The following LTBP2 variants were observed in gnomAD, a reference collection of about 807,000 sequenced individuals.
LTBP2 encodes the protein latent transforming growth factor beta binding protein 2, also known as latent-transforming growth factor beta-binding protein 2.
LTBP2 carries 103 observed loss-of-function variants against 210.6 expected under a neutral mutation model. That is an observed-to-expected ratio of 0.49 (90% CI 0.42 to 0.58). The LOEUF (loss-of-function observed/expected upper bound fraction) is 0.58, where lower values mean the gene tolerates loss of function less well. LTBP2 is among the 20% of genes least tolerant of loss of function. The probability of loss-of-function intolerance (pLI) is 0.00; values close to 1 mark genes in which losing one functional copy is unlikely to be tolerated. For synonymous variants in LTBP2, 1,007 were observed against 1,015.0 expected (o/e 0.99, Z 0.15); for missense variants, 2,313 against 2,494.5 (o/e 0.93, Z 1.55).
At chr14:74,599,646 C>T (rs1365728267) in intron 2 of LTBP2, among the ~76,000 whole-genome samples, 4 of 152,238 alleles carry the variant, frequency 2.6e-5, no homozygotes, top group Non-Finnish European at 4.4e-5. Flanking sequence ...GAGGAGATGG[C>T]GGCCCAGCTC....
chr14:74,527,900 T>C (rs1036173420), intron 12 of LTBP2, among the ~76,000 whole-genome samples: 3 of 152,226 alleles, frequency 2.0e-5, no homozygotes, highest in African/African-American at 7.2e-5. Flanking sequence ...CTGGAGCAGT[T>C]TGACCAATCA....
At chr14:74,569,575 A>G (rs970226167) in intron 3 of LTBP2, among the ~76,000 whole-genome samples, 5 of 152,200 alleles carry the variant, frequency 3.3e-5, no homozygotes, top group Non-Finnish European at 7.3e-5. Flanking sequence ...CCCAGGTCCA[A>G]TGACAGAAGC....
At chr14:74,585,818 C>T (rs376823767) in intron 3 of LTBP2, 36 bp downstream of exon 3, 37 of 1,613,778 alleles carry the variant, frequency 2.3e-5, no homozygotes, top group Non-Finnish European at 3.1e-5. Context: ...AGAGACTGAG[C>T]CCCAGACCCC....
chr14:74,605,922 A>G (rs951901089), intron 1 of LTBP2, among the ~76,000 whole-genome samples: 2 of 152,134 alleles, frequency 1.3e-5, no homozygotes, highest in African/African-American at 4.8e-5. Context: ...CAGGTCCCCA[A>G]GGAGAGTCTC....
intron 2 of LTBP2, among the ~76,000 whole-genome samples, chr14:74,596,225 A>AT (rs1246458245): frequency 2.9e-5 from 4 of 136,286 alleles, no homozygotes; most frequent in Non-Finnish European, 4.6e-5. Context: ...ATGCTGTTTC[A>AT]AAAATAAATA....
At chr14:74,588,932 G>A (rs2088245922) in intron 2 of LTBP2, among the ~76,000 whole-genome samples, 1 of 152,156 alleles carries the variant, frequency 6.6e-6, no homozygotes, top group Admixed American at 6.5e-5. Flanking sequence ...AGAAGGGTGG[G>A]CATGGTTCTT....
intron 3 of LTBP2, among the ~76,000 whole-genome samples, chr14:74,564,163 TTATATATATATTTA>T (rs2087848865): frequency 9.2e-5 from 1 of 10,814 alleles, no homozygotes; most frequent in Non-Finnish European, 1.4e-4. Context: ...ATATATATAT[TTATATATATATTTA>T]TATATATATT....
rs2086931597 is a variant in LTBP2 at position 74,503,020 on chromosome 14, G to C, written c.4889-86C>G. On this transcript the variant is annotated intron_variant, in intron 33 of 35. Coordinates refer to ENST00000261978, the MANE Select transcript of LTBP2 (RefSeq NM_000428.3). ...GGCTTTGTCTCTGGGAGCATGCAAG[G>C]ACTGGTACCCTCTGGGAGATCCTGG... 3.2e-6 allele frequency: 5 copies of C among 1,558,166 alleles called. No individual in the cohort carries two copies. In the Admixed American group the frequency reaches 5.1e-5, roughly 16 times the overall value.
Position 74,503,223 on chromosome 14 carries a change from G to A in LTBP2, c.4884C>T (p.Ser1628=). The change falls in exon 33 of 36, where the codon AGC becomes AGT. Residue 1628 remains serine, a synonymous_variant. Transcript: ENST00000261978. ...ATCCCCTTTGCTCCCCCTCACCAGA[G>A]CTCCTCGGGGGACACAGAGCACACT... ...SQQCALCPPR[S]SEVYAQLCNV... 7 of 1,613,906 alleles carry A rather than the reference G, an allele frequency of 4.3e-6. No homozygotes were observed. The highest frequency in any genetic ancestry group is 5.1e-6 in the Non-Finnish European group (6 of 1,180,010).
rs765446325 is a variant in LTBP2 at position 74,528,636 on chromosome 14, G to A, written c.2215C>T (p.Leu739=). ...GYTYASSDIR[L]SMRKAEEEEL... ...TCCTCCTCGGCTTTCCTCATGGACA[G>A]GCGGATGTCGGAGCTCGCGTAGGTG... The change falls in exon 12 of 36, where the codon CTG becomes TTG. Residue 739 remains leucine (L), a synonymous_variant. Coordinates refer to ENST00000261978, the MANE Select transcript of LTBP2 (RefSeq NM_000428.3). The A allele has an allele frequency of 6.2e-7, 1 of 1,613,542 alleles. No homozygotes were observed.
chr14:74,513,659 C>T (rs1052171221), intron 18 of LTBP2, among the ~76,000 whole-genome samples: 4 of 152,120 alleles, frequency 2.6e-5, no homozygotes, highest in South Asian at 2.1e-4. Flanking sequence ...AAAAATTAGC[C>T]GGGTGTGGTG....
At chr14:74,524,368 C>T (rs1190232566) in intron 15 of LTBP2, among the ~76,000 whole-genome samples, 1 of 152,100 alleles carries the variant, frequency 6.6e-6, no homozygotes, top group African/African-American at 2.4e-5. Flanking sequence ...CAGGGGCTTT[C>T]CCTTTGCTGA....
chr14:74,507,427 C>T (rs1482459341), intron 25 of LTBP2, 117 bp from the exon 26 acceptor site: 2 of 1,380,762 alleles, frequency 1.4e-6, no homozygotes, highest in African/African-American at 2.8e-5. Context: ...TTACTGTGCT[C>T]ATCCCAACCC....
At chr14:74,594,828 C>A (rs935478779) in intron 2 of LTBP2, among the ~76,000 whole-genome samples, 2 of 152,248 alleles carry the variant, frequency 1.3e-5, no homozygotes, top group Non-Finnish European at 2.9e-5. Context: ...TCGGAATCCA[C>A]CTCAGAATCG....
chr14:74,532,131 G>A (rs189260600), intron 10 of LTBP2, among the ~76,000 whole-genome samples: 13 of 152,158 alleles, frequency 8.5e-5, no homozygotes, highest in Admixed American at 5.9e-4. Context: ...ACATGGAACA[G>A]AAATGATTAG....
intron 8 of LTBP2, among the ~76,000 whole-genome samples, chr14:74,540,812 A>T (rs1469533428): frequency 1.2e-3 from 9 of 7,694 alleles, no homozygotes; most frequent in Non-Finnish European, 3.7e-3. Flanking sequence ...TATATATAAT[A>T]TATATATATT....
intron 10 of LTBP2, among the ~76,000 whole-genome samples, chr14:74,529,395 G>A (rs1290345026): frequency 4.6e-5 from 7 of 152,254 alleles, no homozygotes; most frequent in African/African-American, 1.7e-4. Flanking sequence ...AGGGAATGAG[G>A]ATGCAGCTGC....
At chr14:74,515,959 A>G (rs559849512) in intron 18 of LTBP2, among the ~76,000 whole-genome samples, 15 of 152,294 alleles carry the variant, frequency 9.8e-5, no homozygotes, top group Admixed American at 5.9e-4. Context: ...CTTCGCTTCC[A>G]TGGTAGTGGT....
At chr14:74,518,355 C>T (rs927462854) in intron 17 of LTBP2, among the ~76,000 whole-genome samples, 1 of 152,204 alleles carries the variant, frequency 6.6e-6, no homozygotes. Context: ...TGAGATCTTG[C>T]ATGACCGGCC....
Sources: gnomAD v4.1 joint callset for allele counts (sites outside exome capture counted in the v4.1 genomes callset) on GRCh38, gnomAD v4.1.1 for gene constraint, MANE v1.5 for transcripts, NCBI Gene and HGNC (gene_info 2026-07-23, HGNC 2026-07-21) for gene names.